Variants in CIT observed in about 807,000 individuals in gnomAD.
The protein encoded by CIT is citron rho-interacting serine/threonine kinase.
A neutral mutation model predicts 272.7 loss-of-function variants in CIT; 79 were observed. That is an observed-to-expected ratio of 0.29 (90% CI 0.24 to 0.35). The LOEUF is 0.35. Ranked by LOEUF, CIT falls within the 10% of genes least tolerant of loss-of-function variation. The probability of loss-of-function intolerance (pLI) is 1.00; values close to 1 mark genes in which losing one functional copy is unlikely to be tolerated. For synonymous variants in CIT, 948 were observed against 995.6 expected (o/e 0.95, Z 0.90); for missense variants, 1,909 against 2,618.3 (o/e 0.73, Z 5.91).
intron 4 of CIT, among the ~76,000 whole-genome samples, chr12:119,850,976 A>C (rs867019847): frequency 6.6e-6 from 1 of 152,240 alleles, no homozygotes; most frequent in Non-Finnish European, 1.5e-5. Context: ...TAAACATATT[A>C]AGGGTATAAT....
intron 10 of CIT, among the ~76,000 whole-genome samples, chr12:119,802,971 T>C (rs1276469768): frequency 2.6e-5 from 4 of 152,068 alleles, no homozygotes; most frequent in Admixed American, 1.3e-4. Context: ...AAGTACCCAA[T>C]TGACAATTAT....
At chr12:119,850,106 G>T in intron 5 of CIT, 68 bp downstream of exon 5, 3 of 991,678 alleles carry the variant, frequency 3.0e-6, no homozygotes, top group Non-Finnish European at 4.9e-6. Context: ...ACAACATTCA[G>T]TTCTACCACA....
At chr12:119,700,498 T>C (rs779900000) in intron 44 of CIT, among the ~76,000 whole-genome samples, 3 of 152,156 alleles carry the variant, frequency 2.0e-5, no homozygotes, top group Non-Finnish European at 4.4e-5. Context: ...TTCTCCTGCC[T>C]CAGCTTCCTG....
At position 119,770,955 on chromosome 12, in the gene CIT, T is replaced by C; in HGVS notation, c.2083-45A>G. On this transcript the variant is annotated intron_variant, in intron 17 of 47. Coordinates refer to ENST00000392521, the MANE Select transcript of CIT (RefSeq NM_001206999.2). This position sits in a 1 kb window ranked among gnomAD's most constrained non-coding sequence, Gnocchi z 4.4. ...CAGAGAGTTTTAATGGAGTAACCGC[T>C]ATGGGCATAACACCTGCACCGAGGG... 6.2e-7 allele frequency: 1 copy of C among 1,609,052 alleles called. No homozygotes were observed. The highest frequency in any genetic ancestry group is 8.5e-7 in the Non-Finnish European group (1 of 1,177,964).
Position 119,730,552 on chromosome 12 carries a change from G to C in CIT, c.3429C>G (p.Leu1143=), listed in dbSNP as rs55993032. 3.7e-6 allele frequency: 6 copies of C among 1,613,990 alleles called. No individual in the cohort carries two copies. In the African/African-American group the frequency reaches 5.3e-5, roughly 14 times the overall value. The stretch of plus-strand genomic sequence containing the variant: ...GCTCTTTGAGAGCCTGCTGCAGAGC[G>C]AGAATCTCAGCCTTGTGCTCCTTCA... ...LAVKEHKAEI[L]ALQQALKEQK... Residue 1143 remains leucine, a synonymous_variant, in exon 27 of 48, where the codon CTC becomes CTG. Transcript: ENST00000392521.
chr12:119,797,196 T>C (rs1179748256), intron 10 of CIT, among the ~76,000 whole-genome samples: 1 of 152,178 alleles, frequency 6.6e-6, no homozygotes, highest in Admixed American at 6.5e-5. Flanking sequence ...CAAATTAGCA[T>C]GTGTAGGCCA....
intron 28 of CIT, among the ~76,000 whole-genome samples, chr12:119,725,626 A>C (rs1284146765): frequency 6.6e-6 from 1 of 152,176 alleles, no homozygotes; most frequent in Non-Finnish European, 1.5e-5. Context: ...GTCAGCCAGA[A>C]GTCTGTGCTC....
intron 23 of CIT, among the ~76,000 whole-genome samples, chr12:119,745,489 A>G (rs1470861431): frequency 6.6e-6 from 1 of 151,770 alleles, no homozygotes; most frequent in Non-Finnish European, 1.5e-5. Flanking sequence ...CAAAAGTTGA[A>G]GGAATTTGAC....
At chr12:119,781,500 G>C (rs1430563201) in intron 13 of CIT, among the ~76,000 whole-genome samples, 1 of 152,182 alleles carries the variant, frequency 6.6e-6, no homozygotes. Flanking sequence ...TTTCTGAAGT[G>C]AATGAGAGTT....
chr12:119,727,143 A>G (rs1413551644), intron 28 of CIT, among the ~76,000 whole-genome samples: 1 of 152,228 alleles, frequency 6.6e-6, no homozygotes, highest in East Asian at 1.9e-4. Flanking sequence ...TCTATTTGGC[A>G]CACACTTACT....
intron 3 of CIT, among the ~76,000 whole-genome samples, chr12:119,858,871 T>C (rs1284334074): frequency 1.3e-5 from 2 of 151,724 alleles, no homozygotes; most frequent in Non-Finnish European, 2.9e-5. Context: ...CTCAGAGAAC[T>C]AAATGGGGTT....
chr12:119,802,061 C>T (rs1443551112), intron 10 of CIT, among the ~76,000 whole-genome samples: 2 of 152,160 alleles, frequency 1.3e-5, no homozygotes, highest in Non-Finnish European at 2.9e-5. Context: ...TAGGGAGACA[C>T]CATCCAGGAA....
At chr12:119,735,892 G>A (rs898598437) in intron 24 of CIT, among the ~76,000 whole-genome samples, 15 of 151,888 alleles carry the variant, frequency 9.9e-5, no homozygotes, top group Admixed American at 4.6e-4. Flanking sequence ...TACAACAAAG[G>A]AAAAAAACTT....
Position 119,712,443 on chromosome 12 carries a change from C to G in CIT, c.4685-96G>C. The G allele has an allele frequency of 6.9e-7, 1 of 1,453,398 alleles. No homozygotes were observed. 90.0% of individuals were successfully genotyped at this position (1,453,398 alleles called of 1,614,324 possible). A position where few individuals can be genotyped will look rare whatever the true frequency, so the allele number is the denominator to read the frequency against. On this transcript the variant is annotated intron_variant, in intron 36 of 47. Coordinates refer to ENST00000392521, the MANE Select transcript of CIT (RefSeq NM_001206999.2). The surrounding 1 kb of genome is among the most constrained non-coding windows in gnomAD (Gnocchi z 5.2). ...GAGATCAAAGATGCCCACCAAACCA[C>G]GCAAATCCCAGTTACCGCCAAGGCG...
At chr12:119,827,003 C>T (rs1037292508) in intron 7 of CIT, among the ~76,000 whole-genome samples, 10 of 152,144 alleles carry the variant, frequency 6.6e-5, no homozygotes, top group African/African-American at 2.4e-4. Flanking sequence ...ATGAAACAGA[C>T]CTATTCTTCC....
intron 44 of CIT, among the ~76,000 whole-genome samples, chr12:119,699,293 A>T (rs925452320): frequency 5.3e-5 from 8 of 151,216 alleles, no homozygotes; most frequent in Non-Finnish European, 7.4e-5. Flanking sequence ...GTTCTATTTT[A>T]AAAAAAAGAC....
chr12:119,834,179 T>C lies in CIT; in HGVS notation c.566A>G (p.Tyr189Cys). ...GGDLLSLLNR[Y>C]EDQLDENLIQ... is the part of the protein sequence containing the mutation. The stretch of plus-strand genomic sequence containing the variant: ...CAGGTTTTCATCTAACTGGTCCTCA[T>C]ATCTATTCAAAAGTGACAGCAAGTC... The change falls in exon 6 of 48, where the codon TAT becomes TGT. Residue 189 changes from tyrosine to cysteine, a missense_variant. Transcript: ENST00000392521. 2 of 1,613,960 alleles carry C rather than the reference T, an allele frequency of 1.2e-6. No individual in the cohort carries two copies. The highest frequency in any genetic ancestry group is 1.7e-6 in the Non-Finnish European group (2 of 1,179,934).
At position 119,758,715 on chromosome 12, in the gene CIT, A is replaced by G. The variant is rs1961351909; in HGVS notation, c.2422-15T>C. 2.0e-6 allele frequency: 3 copies of G among 1,525,246 alleles called. No homozygotes were observed. The East Asian group carries it at 6.7e-5, about 34-fold the overall frequency. The allele number at this position is 1,525,246 out of a possible 1,614,324, so 94.5% of individuals were successfully genotyped here. The stretch of plus-strand genomic sequence containing the variant: ...GCATTGATCATCTGAAACACAGGGC[A>G]CCTATGAAACTTCACACACCAGAAC... On this transcript the variant is annotated splice_polypyrimidine_tract_variant and intron_variant, in intron 20 of 47. Coordinates refer to ENST00000392521, the MANE Select transcript of CIT (RefSeq NM_001206999.2).
intron 12 of CIT, chr12:119,783,587 C>A: frequency 5.1e-6 from 1 of 196,976 alleles, no homozygotes; most frequent in African/African-American, 2.3e-5. Context: ...TCAGACACAA[C>A]GCAGACCACA....
Sources: gnomAD v4.1 joint callset for allele counts (sites outside exome capture counted in the v4.1 genomes callset) on GRCh38, gnomAD v4.1.1 for gene constraint, Gnocchi (gnomAD v3.1) non-coding constraint, MANE v1.5 for transcripts, NCBI Gene and HGNC (gene_info 2026-07-23, HGNC 2026-07-21) for gene names.